Variants in AKT3 observed in about 807,000 individuals in gnomAD.
The protein encoded by AKT3 is AKT serine/threonine kinase 3, also known as RAC-gamma serine/threonine-protein kinase.
Under a neutral mutation model 65.3 loss-of-function variants are expected in AKT3, and 15 were observed. The observed-to-expected ratio is 0.23, with a 90% CI of 0.15 to 0.35. AKT3 has a LOEUF of 0.35. Among genes scored for constraint, AKT3 ranks in the 10% least tolerant of loss-of-function variants. The pLI is 1.00. For synonymous variants in AKT3, 206 were observed against 183.8 expected, an observed-to-expected ratio of 1.12 and a Z score of -0.98; for missense variants, 243 against 576.5, an observed-to-expected ratio of 0.42 and a Z score of 5.92.
chr1:243,735,619 G>A (rs907236746), intron 2 of AKT3: 12 of 152,070 alleles, frequency 7.9e-5, no homozygotes, highest in African/African-American at 2.7e-4. Context: ...AGCAACAAAC[G>A]TTAGCATGAG....
chr1:243,518,454 A>G (rs1670504596), intron 12 of AKT3, among the ~76,000 whole-genome samples: 1 of 152,108 alleles, frequency 6.6e-6, no homozygotes, highest in Non-Finnish European at 1.5e-5. Context: ...GTGAAACCCC[A>G]TCTCTACTAA....
intron 2 of AKT3, among the ~76,000 whole-genome samples, chr1:243,772,545 T>C (rs1690256476): frequency 6.6e-6 from 1 of 152,158 alleles, no homozygotes; most frequent in Non-Finnish European, 1.5e-5. Flanking sequence ...CAACAGGTGC[T>C]GGAGAGGATG....
At chr1:243,526,327 A>T (rs528047285) in intron 12 of AKT3, among the ~76,000 whole-genome samples, 1 of 152,250 alleles carries the variant, frequency 6.6e-6, no homozygotes, top group East Asian at 1.9e-4. Flanking sequence ...GACTTTCATC[A>T]TGGAGCTAAA....
chr1:243,786,000 T>C (rs949027671), intron 2 of AKT3, among the ~76,000 whole-genome samples: 2 of 152,210 alleles, frequency 1.3e-5, no homozygotes, highest in Admixed American at 6.5e-5. Context: ...GAAAGGCCTA[T>C]GCTTTATGAG....
chr1:243,729,472 T>C (rs998977894), intron 2 of AKT3, among the ~76,000 whole-genome samples: 8 of 152,060 alleles, frequency 5.3e-5, no homozygotes, highest in African/African-American at 1.9e-4. Context: ...GTACAGCCTT[T>C]CCAGGAAAAA....
intron 4 of AKT3, among the ~76,000 whole-genome samples, chr1:243,649,605 T>G (rs1229112851): frequency 6.6e-6 from 1 of 151,964 alleles, no homozygotes; most frequent in African/African-American, 2.4e-5. Flanking sequence ...GATGTTCCCC[T>G]CCCTGTGTCC....
intron 6 of AKT3, among the ~76,000 whole-genome samples, chr1:243,629,221 AG>A (rs922622850): frequency 2.0e-5 from 3 of 152,198 alleles, no homozygotes; most frequent in African/African-American, 7.2e-5. Context: ...GGTTGCAGTG[AG>A]CTGAGTTTGC....
chr1:243,572,859 ATTACT>A, intron 9 of AKT3, 62 bp downstream of exon 9: 2 of 1,434,610 alleles, frequency 1.4e-6, no homozygotes, highest in South Asian at 1.4e-5. Context: ...TAACTTTGTA[ATTACT>A]TTATGTTTGT....
intron 1 of AKT3, 68 bp downstream of exon 1, chr1:243,849,972 G>A (rs1195797950): frequency 1.0e-6 from 1 of 963,916 alleles, no homozygotes; most frequent in Non-Finnish European, 1.2e-6. Flanking sequence ...GGCGGACCGG[G>A]GCCCGGGGCC....
At chr1:243,579,845 A>G (rs1675203742) in intron 8 of AKT3, among the ~76,000 whole-genome samples, 2 of 152,234 alleles carry the variant, frequency 1.3e-5, no homozygotes, top group South Asian at 4.1e-4. Context: ...GTATACAGGA[A>G]AATGACAAAT....
chr1:243,593,604 T>A (rs1381508338), intron 8 of AKT3, among the ~76,000 whole-genome samples: 1 of 152,092 alleles, frequency 6.6e-6, no homozygotes, highest in Non-Finnish European at 1.5e-5. Flanking sequence ...GGAGAATCAC[T>A]TAAACCTGGG....
chr1:243,782,247 T>C lies in AKT3; in HGVS notation c.46+60878A>G, dbSNP rs528073771. 4.3e-4 allele frequency among the ~76,000 whole-genome samples: 65 copies of C among 152,114 alleles called. 1 individual carries two copies. Among genetic ancestry groups the C allele is most frequent in the African/African-American group, 1.3e-3 (55 of 41,490 alleles). ...CGGTATTGGCCTAAGAATAGAAAAA[T>C]AGGCTACAGGAAAACATCTTAAGTC... On this transcript the variant is annotated intron_variant, in intron 2 of 13. Coordinates refer to ENST00000673466, the MANE Select transcript of AKT3 (RefSeq NM_005465.7).
rs527760184 is a variant in AKT3, at chr1:243,571,302, C to T, written c.819+1624G>A. Among the ~76,000 whole-genome samples the T allele has an allele frequency of 4.1e-4, 62 of 152,174 alleles. 1 individual carries two copies. Among genetic ancestry groups the T allele is most frequent in the East Asian group, 1.2e-3 (6 of 5,168 alleles). On this transcript the variant is annotated intron_variant, in intron 9 of 13. Transcript: ENST00000673466. ...ACTGCACTCCAGCCTGGCGACAGAG[C>T]GAGACTCCATCTGAAAACACACACA...
intron 8 of AKT3, chr1:243,612,427 G>A (rs1259754342): frequency 1.3e-5 from 2 of 152,072 alleles, no homozygotes; most frequent in African/African-American, 2.4e-5. Context: ...AATGAATGAA[G>A]TTTTGCAACA....
intron 3 of AKT3, among the ~76,000 whole-genome samples, chr1:243,684,828 T>C (rs1448601760): frequency 6.6e-6 from 1 of 152,238 alleles, no homozygotes; most frequent in East Asian, 1.9e-4. Context: ...TGTTGTTTCC[T>C]GACTTTTTAA....
intron 2 of AKT3, among the ~76,000 whole-genome samples, chr1:243,824,095 T>C (rs1418369544): frequency 2.0e-5 from 3 of 152,014 alleles, no homozygotes; most frequent in South Asian, 2.1e-4. Context: ...AAATCTCAGA[T>C]ATAAGACCAC....
chr1:243,798,393 A>ATTTTTTTTTTTTTTTTTTT lies in AKT3; in HGVS notation c.46+44713_46+44731dup, dbSNP rs759264137. 8.4e-5 allele frequency among the ~76,000 whole-genome samples: 7 copies of ATTTTTTTTTTTTTTTTTTT among 83,310 alleles called. 1 individual carries two copies. Among genetic ancestry groups the ATTTTTTTTTTTTTTTTTTT allele is most frequent in the Non-Finnish European group, 1.1e-4 (5 of 46,980 alleles). 54.7% of individuals were successfully genotyped at this position (83,310 alleles called of 152,430 possible). A position where few individuals can be genotyped will look rare whatever the true frequency, so the allele number is the denominator to read the frequency against. ...CACCACTACACCTGGCTAATTTTTA[A>ATTTTTTTTTTTTTTTTTTT]TTTTTTTTTTTTTTTTTTTTTTTTG... is the stretch of plus-strand genomic sequence containing the variant. On this transcript the variant is annotated intron_variant, in intron 2 of 13. Coordinates refer to ENST00000673466, the MANE Select transcript of AKT3 (RefSeq NM_005465.7).
intron 5 of AKT3, among the ~76,000 whole-genome samples, chr1:243,638,812 T>C (rs1680165282): frequency 6.6e-6 from 1 of 151,862 alleles, no homozygotes; most frequent in African/African-American, 2.4e-5. Flanking sequence ...TGTTTCAGTT[T>C]CCACCTTAAC....
intron 11 of AKT3, among the ~76,000 whole-genome samples, chr1:243,551,834 A>T (rs1673086705): frequency 6.6e-6 from 1 of 152,202 alleles, no homozygotes; most frequent in Admixed American, 6.5e-5. Context: ...ATGTATAAAC[A>T]TGAATAAAAA....
Sources: gnomAD v4.1 joint callset for allele counts (sites outside exome capture counted in the v4.1 genomes callset) on GRCh38, gnomAD v4.1.1 for gene constraint, MANE v1.5 for transcripts, NCBI Gene and HGNC (gene_info 2026-07-23, HGNC 2026-07-21) for gene names.